Variants in SUCLA2 observed in about 807,000 individuals in gnomAD.
The protein encoded by SUCLA2 is succinate--CoA ligase [ADP-forming] subunit beta, mitochondrial.
In SUCLA2, 30 loss-of-function variants were observed where a neutral mutation model predicts 54.8. The ratio of observed to expected loss-of-function variants is 0.55; its 90% CI spans 0.41 to 0.74. SUCLA2 has a LOEUF of 0.74. Among genes scored for constraint, SUCLA2 ranks in the 30% least tolerant of loss-of-function variants. The probability of loss-of-function intolerance (pLI) is 0.00; values close to 1 mark genes in which losing one functional copy is unlikely to be tolerated. For synonymous variants in SUCLA2, 172 were observed against 188.9 expected (o/e 0.91, Z 0.74); for missense variants, 476 against 562.9 (o/e 0.85, Z 1.56).
chr13:47,949,711 G>T, intron 8 of SUCLA2, 108 bp from the exon 9 acceptor site: 1 of 1,189,042 alleles, frequency 8.4e-7, no homozygotes, highest in Non-Finnish European at 1.2e-6. Flanking sequence ...TTGATAGAAA[G>T]ATTTTCAGAC....
At chr13:47,972,748 CTTT>C (rs1204256460) in intron 5 of SUCLA2, among the ~76,000 whole-genome samples, 1 of 118,658 alleles carries the variant, frequency 8.4e-6, no homozygotes, top group Non-Finnish European at 1.7e-5. Flanking sequence ...TATAGTGACT[CTTT>C]TTTTTTTTTT....
rs900495040 is a variant in SUCLA2 at position 47,942,909 on chromosome 13, C to T, written c.*462G>A. 1 of 162,212 alleles carries T rather than the reference C, an allele frequency of 6.2e-6. No individual in the cohort carries two copies. Among genetic ancestry groups the T allele is most frequent in the Non-Finnish European group, 1.4e-5 (1 of 73,488 alleles). The allele number at this position is 162,212 out of a possible 1,614,324, so 10.0% of individuals were successfully genotyped here. ...CTCTGTTTATAAATAGTGATTGATA[C>T]ATTTATCATGTATTTGGTGCTGAAG... On this transcript the variant is annotated 3_prime_UTR_variant, in exon 11 of 11. Transcript: ENST00000646932.
At chr13:47,965,252 A>G (rs1358476413) in intron 6 of SUCLA2, among the ~76,000 whole-genome samples, 3 of 151,990 alleles carry the variant, frequency 2.0e-5, no homozygotes, top group Non-Finnish European at 2.9e-5. Flanking sequence ...GACAAGGAAT[A>G]TAATATTTTC....
At chr13:47,968,017 A>G (rs1288329599) in intron 6 of SUCLA2, among the ~76,000 whole-genome samples, 1 of 152,202 alleles carries the variant, frequency 6.6e-6, no homozygotes, top group African/African-American at 2.4e-5. Context: ...ATATACATAA[A>G]GAGTTCCCCA....
intron 2 of SUCLA2, among the ~76,000 whole-genome samples, chr13:47,990,352 G>A (rs1330967282): frequency 6.6e-6 from 1 of 152,062 alleles, no homozygotes; most frequent in African/African-American, 2.4e-5. Context: ...TCTCAAAAGA[G>A]TAAATGCTCT....
intron 4 of SUCLA2, among the ~76,000 whole-genome samples, chr13:47,976,814 T>C (rs1406218201): frequency 6.6e-6 from 1 of 152,190 alleles, no homozygotes; most frequent in African/African-American, 2.4e-5. Flanking sequence ...GAGCATTTCC[T>C]TTAAGTGTCA....
intron 10 of SUCLA2, 73 bp from the exon 11 acceptor site, chr13:47,943,518 C>T: frequency 7.3e-7 from 1 of 1,375,792 alleles, no homozygotes; most frequent in Non-Finnish European, 1.0e-6. Context: ...AATTAATGTA[C>T]ACTCAATTTT....
intron 1 of SUCLA2, among the ~76,000 whole-genome samples, chr13:47,999,475 A>C (rs6561427): frequency 0.73 from 110,732 of 151,928 alleles, 41,310 homozygotes; most frequent in Non-Finnish European, 0.81. Flanking sequence ...TAGGAGGCCG[A>C]GGCGGGAGGA....
At position 47,946,593 on chromosome 13, in the gene SUCLA2, T is replaced by TA. The variant is rs1422136396; in HGVS notation, c.1317+2346dup. Among the ~76,000 whole-genome samples the TA allele has an allele frequency of 2.7e-3, 398 of 149,924 alleles. 2 individuals carry two copies. Among genetic ancestry groups the TA allele is most frequent in the African/African-American group, 7.1e-3 (292 of 41,022 alleles). On this transcript the variant is annotated intron_variant, in intron 10 of 10. Coordinates refer to ENST00000646932, the MANE Select transcript of SUCLA2 (RefSeq NM_003850.3). Reference sequence around the variant, plus strand: ...ACAAAAGGTTGTGTTTTTTTTTTTTTAAAAAAAGCAATCCCTTTAAAAACA... The same window carrying TA: ...ACAAAAGGTTGTGTTTTTTTTTTTTTAAAAAAAAGCAATCCCTTTAAAAACA...
At chr13:47,967,989 CTAA>C (rs1165183728) in intron 6 of SUCLA2, among the ~76,000 whole-genome samples, 1 of 152,054 alleles carries the variant, frequency 6.6e-6, no homozygotes, top group Non-Finnish European at 1.5e-5. Flanking sequence ...ATTGACATCC[CTAA>C]TATATAAAGA....
intron 6 of SUCLA2, among the ~76,000 whole-genome samples, chr13:47,966,639 G>C (rs1008843103): frequency 6.6e-6 from 1 of 150,474 alleles, no homozygotes; most frequent in Non-Finnish European, 1.5e-5. Context: ...CCTTGCAGTT[G>C]TTCAGTTTGA....
chr13:47,988,421 TACAA>T (rs1950121823), intron 4 of SUCLA2, 116 bp downstream of exon 4: 10 of 1,196,150 alleles, frequency 8.4e-6, no homozygotes, highest in East Asian at 2.4e-5. Context: ...GCTCATGACA[TACAA>T]ACAGATTATA....
chr13:47,999,356 A>C (rs1950211525), intron 1 of SUCLA2, among the ~76,000 whole-genome samples: 1 of 152,196 alleles, frequency 6.6e-6, no homozygotes, highest in African/African-American at 2.4e-5. Context: ...ATTTTCAACG[A>C]AGGTACACTA....
chr13:47,945,241 C>T (rs1949719736), intron 10 of SUCLA2, among the ~76,000 whole-genome samples: 1 of 102,986 alleles, frequency 9.7e-6, no homozygotes, highest in African/African-American at 3.7e-5. Flanking sequence ...AAGACCAAAA[C>T]TCTGTCTTAA....
At chr13:47,988,112 TAA>T (rs796167254) in intron 4 of SUCLA2, 16 of 155,928 alleles carry the variant, frequency 1.0e-4, no homozygotes, top group East Asian at 3.5e-4. Flanking sequence ...CCGAAACTAT[TAA>T]AAAAAAAAAA....
At chr13:47,998,852 C>T (rs1479958491) in intron 1 of SUCLA2, among the ~76,000 whole-genome samples, 1 of 152,196 alleles carries the variant, frequency 6.6e-6, no homozygotes, top group Non-Finnish European at 1.5e-5. Context: ...AAAAATTAAT[C>T]TAGCTATCCA....
At chr13:47,979,566 C>G (rs1950045192) in intron 4 of SUCLA2, among the ~76,000 whole-genome samples, 1 of 152,086 alleles carries the variant, frequency 6.6e-6, no homozygotes, top group South Asian at 2.1e-4. Flanking sequence ...CAGCAAACCA[C>G]CATGGCACGT....
chr13:47,944,193 TTTC>T (rs1949710907), intron 10 of SUCLA2, among the ~76,000 whole-genome samples: 1 of 151,042 alleles, frequency 6.6e-6, no homozygotes. Flanking sequence ...ATCTAGCCTG[TTTC>T]TTCATCTATA....
At chr13:47,955,433 C>G (rs1949812675) in intron 6 of SUCLA2, among the ~76,000 whole-genome samples, 1 of 152,058 alleles carries the variant, frequency 6.6e-6, no homozygotes, top group African/African-American at 2.4e-5. Flanking sequence ...AATTGCTGAC[C>G]TCAAGTAATC....
Sources: allele counts gnomAD v4.1 joint callset (sites outside exome capture counted in the v4.1 genomes callset), GRCh38; gene constraint gnomAD v4.1.1; transcripts MANE v1.5; gene names NCBI Gene and HGNC (gene_info 2026-07-23, HGNC 2026-07-21).